Variants in TENM4 observed in about 807,000 individuals in gnomAD.
The protein encoded by TENM4 is teneurin-4.
In TENM4, 82 loss-of-function variants were observed where a neutral mutation model predicts 243.3. The observed-to-expected ratio is 0.34, with a 90% CI of 0.28 to 0.40. The LOEUF (loss-of-function observed/expected upper bound fraction) is 0.40. TENM4 is among the 10% of genes least tolerant of loss of function. The pLI is 1.00. For synonymous variants in TENM4, 1,412 were observed against 1,456.3 expected, an observed-to-expected ratio of 0.97 and a Z score of 0.69; for missense variants, 3,138 against 3,673.3, an observed-to-expected ratio of 0.85 and a Z score of 3.77.
intron 4 of TENM4, among the ~76,000 whole-genome samples, chr11:79,125,297 A>T (rs963467635): frequency 1.3e-5 from 2 of 152,206 alleles, no homozygotes; most frequent in Non-Finnish European, 2.9e-5. Flanking sequence ...TTCAGTAGAC[A>T]AAGTGATGAA....
At chr11:78,738,370 A>G in intron 20 of TENM4, 81 bp downstream of exon 20, 1 of 1,516,554 alleles carries the variant, frequency 6.6e-7, no homozygotes, top group Non-Finnish European at 8.8e-7. Flanking sequence ...CTCTTTCCAC[A>G]TTATCAGTCC....
chr11:78,971,312 T>G (rs184163483), intron 6 of TENM4, among the ~76,000 whole-genome samples: 1 of 152,184 alleles, frequency 6.6e-6, no homozygotes, highest in Non-Finnish European at 1.5e-5. Flanking sequence ...TTTGTTTGTT[T>G]TGTTTTTACA....
intron 3 of TENM4, among the ~76,000 whole-genome samples, chr11:79,170,497 G>T (rs1173223471): frequency 6.6e-6 from 1 of 152,164 alleles, no homozygotes; most frequent in Non-Finnish European, 1.5e-5. Context: ...GTTAGGATGA[G>T]GTTATACTGA....
At chr11:79,202,518 C>T (rs1458470043) in intron 3 of TENM4, among the ~76,000 whole-genome samples, 3 of 152,324 alleles carry the variant, frequency 2.0e-5, no homozygotes, top group Non-Finnish European at 4.4e-5. Context: ...AGTTCAGACC[C>T]GATTTGAAGC....
intron 1 of TENM4, among the ~76,000 whole-genome samples, chr11:79,405,479 T>C (rs1205722157): frequency 7.5e-6 from 1 of 132,680 alleles, no homozygotes; most frequent in Non-Finnish European, 1.6e-5. Flanking sequence ...GCTTAGAATG[T>C]AAAAAAAAAA....
chr11:78,812,171 C>A lies in TENM4; in HGVS notation c.1929G>T (p.Thr643=), dbSNP rs184928531. 9 of 1,551,774 alleles carry A rather than the reference C, an allele frequency of 5.8e-6. No homozygotes were observed. In the African/African-American group the frequency reaches 1.2e-4, roughly 21 times the overall value. ...VACSNHGTCI[T]GTCICNPGYK... Reference sequence around the variant, plus strand: ...AGCCAGGGTTGCAGATGCAGGTGCCCGTGATGCAGGTGCCATGGTTGCTGC... The same window carrying A: ...AGCCAGGGTTGCAGATGCAGGTGCCAGTGATGCAGGTGCCATGGTTGCTGC... The change falls in exon 14 of 34, where the codon ACG becomes ACT. Residue 643 remains threonine (T), a synonymous_variant. Coordinates refer to ENST00000278550, the MANE Select transcript of TENM4 (RefSeq NM_001098816.3).
chr11:79,135,164 C>T (rs2137172699), intron 4 of TENM4, among the ~76,000 whole-genome samples: 1 of 151,956 alleles, frequency 6.6e-6, no homozygotes, highest in South Asian at 2.1e-4. Context: ...AACAAATAAT[C>T]CTATCAAAAA....
intron 14 of TENM4, among the ~76,000 whole-genome samples, chr11:78,809,488 G>A (rs971893103): frequency 6.6e-6 from 1 of 152,198 alleles, no homozygotes; most frequent in African/African-American, 2.4e-5. Flanking sequence ...CTGCCAAAGA[G>A]GTGGTAGGTA....
rs1857847693 is a variant in TENM4, at chr11:78,654,690, T to A, written c.*3368A>T. 1 of 152,044 alleles carries A rather than the reference T, an allele frequency of 6.6e-6. No individual in the cohort carries two copies. The highest frequency in any genetic ancestry group is 2.1e-4 in the South Asian group (1 of 4,816). 9.4% of individuals were successfully genotyped at this position (152,044 alleles called of 1,614,324 possible). ...ATCAGGCACTGGTGTGGTCCTTGGG[T>A]TAATTCTCAGCCAACAATTCTGAGA... On this transcript the variant is annotated 3_prime_UTR_variant, in exon 34 of 34. Transcript: ENST00000278550.
rs184512121 is a variant in TENM4 at position 78,661,365 on chromosome 11, C to T, written c.7551+84G>A. On this transcript the variant is annotated intron_variant, in intron 33 of 33. Transcript: ENST00000278550. ...GCACCACATTGGTGTCTATCACTGG[C>T]CCATGCTTTTCTGAAAAGCTGAAGG... The T allele has an allele frequency of 2.6e-5, 40 of 1,514,410 alleles. No individual in the cohort carries two copies. The East Asian group carries it at 7.7e-4, about 29-fold the overall frequency. The allele number at this position is 1,514,410 out of a possible 1,614,324, so 93.8% of individuals were successfully genotyped here.
chr11:79,219,415 G>A (rs1395402967), intron 2 of TENM4, among the ~76,000 whole-genome samples: 1 of 152,210 alleles, frequency 6.6e-6, no homozygotes, highest in Admixed American at 6.5e-5. Context: ...AGATGAATGT[G>A]GCAAGCCTTG....
chr11:79,197,570 C>T (rs1398054482), intron 3 of TENM4, among the ~76,000 whole-genome samples: 1 of 152,198 alleles, frequency 6.6e-6, no homozygotes, highest in African/African-American at 2.4e-5. Context: ...ACATCAACAG[C>T]AAACTTCCCA....
intron 5 of TENM4, chr11:79,068,575 A>C (rs977388086): frequency 4.6e-5 from 7 of 152,366 alleles, no homozygotes; most frequent in African/African-American, 1.7e-4. Flanking sequence ...TATGAGAATT[A>C]AATAACACTG....
At chr11:78,802,468 G>C (rs1460725737) in intron 15 of TENM4, among the ~76,000 whole-genome samples, 1 of 152,250 alleles carries the variant, frequency 6.6e-6, no homozygotes, top group Admixed American at 6.5e-5. Context: ...GCTGAGGAGA[G>C]AGAACAGTTG....
Position 78,803,308 on chromosome 11 carries a change from C to T in TENM4, c.2179+1984G>A, listed in dbSNP as rs138412473. Among the ~76,000 whole-genome samples the T allele has an allele frequency of 3.6e-3, 553 of 152,228 alleles. 5 individuals carry two copies. The highest frequency in any genetic ancestry group is 0.013 in the African/African-American group (527 of 41,556). On this transcript the variant is annotated intron_variant, in intron 15 of 33. Coordinates refer to ENST00000278550, the MANE Select transcript of TENM4 (RefSeq NM_001098816.3). ...CCTCCCAAAGTGCTGGGATTACAGG[C>T]GTGAGCCACTGTGCCCAGCCTTTCA...
chr11:78,652,873 CA>C lies in TENM4; in HGVS notation c.*5184del, dbSNP rs2135596746. On this transcript the variant is annotated 3_prime_UTR_variant, in exon 34 of 34. Coordinates refer to ENST00000278550, the MANE Select transcript of TENM4 (RefSeq NM_001098816.3). ...TTTATTTTTAAAGTGCAACGGCTCA[CA>C]TCCCTTGTGGAAGGCAGTGGCATGG... 6.6e-6 allele frequency: 1 copy of C among 152,328 alleles called. No individual in the cohort carries two copies. Among genetic ancestry groups the C allele is most frequent in the South Asian group, 2.1e-4 (1 of 4,826 alleles). 9.4% of individuals were successfully genotyped at this position (152,328 alleles called of 1,614,324 possible). A position where few individuals can be genotyped will look rare whatever the true frequency, so the allele number is the denominator to read the frequency against.
intron 4 of TENM4, among the ~76,000 whole-genome samples, chr11:79,125,065 T>C (rs768585604): frequency 6.6e-6 from 1 of 151,704 alleles, no homozygotes; most frequent in Non-Finnish European, 1.5e-5. Flanking sequence ...GGTTGCTTAA[T>C]ATGATTAGAC....
intron 6 of TENM4, among the ~76,000 whole-genome samples, chr11:79,028,471 C>T (rs1306093937): frequency 1.3e-5 from 2 of 152,192 alleles, no homozygotes; most frequent in East Asian, 1.9e-4. Flanking sequence ...CAGGCCTCAG[C>T]CAATCTTTTC....
Position 79,103,821 on chromosome 11 carries a change from C to G in TENM4, c.-65-33812G>C, listed in dbSNP as rs1056576865. 2.0e-5 allele frequency among the ~76,000 whole-genome samples: 3 copies of G among 152,350 alleles called. No individual in the cohort carries two copies. The East Asian group carries it at 5.8e-4, about 29-fold the overall frequency. On this transcript the variant is annotated intron_variant, in intron 4 of 33. Transcript: ENST00000278550. ...TTGAAGGGCACCTTCCTCTGCTCCCCACTCGCTGTCTTAGGCGAACTGCTA... is the reference window on the plus strand; with the variant it reads ...TTGAAGGGCACCTTCCTCTGCTCCCGACTCGCTGTCTTAGGCGAACTGCTA...
Sources: gnomAD v4.1 joint callset for allele counts (sites outside exome capture counted in the v4.1 genomes callset) on GRCh38, gnomAD v4.1.1 for gene constraint, MANE v1.5 for transcripts, NCBI Gene and HGNC (gene_info 2026-07-23, HGNC 2026-07-21) for gene names.